Variants in DICER1 observed in about 807,000 individuals in gnomAD.
DICER1 encodes the protein dicer 1, ribonuclease III.
Under a neutral mutation model 194.1 loss-of-function variants are expected in DICER1, and 43 were observed. The observed-to-expected ratio is 0.22, with a 90% CI of 0.17 to 0.29. The LOEUF (loss-of-function observed/expected upper bound fraction) is 0.29, where lower values mean the gene tolerates loss of function less well. Ranked by LOEUF, DICER1 falls within the 10% of genes least tolerant of loss-of-function variation. The pLI, the probability that DICER1 is intolerant of heterozygous loss-of-function variation, is 1.00. For synonymous variants in DICER1, 832 were observed against 820.5 expected (o/e 1.01, Z -0.24); for missense variants, 1,608 against 2,317.0 (o/e 0.69, Z 6.28).
In DICER1 at chr14:95,090,363, T is replaced by G; in HGVS notation, c.*135A>C. 1 of 981,584 alleles carries G rather than the reference T, an allele frequency of 1.0e-6. No individual in the cohort carries two copies. Among genetic ancestry groups the G allele is most frequent in the South Asian group, 1.4e-5 (1 of 72,094 alleles). The allele number at this position is 981,584 out of a possible 1,614,324, so 60.8% of individuals were successfully genotyped here. A position where few individuals can be genotyped will look rare whatever the true frequency, so the allele number is the denominator to read the frequency against. On this transcript the variant is annotated 3_prime_UTR_variant, in exon 27 of 27. Transcript: ENST00000343455. ...ATGTTTTATTCTGTTATCTATCCTGTTATCAACCAAACTTTAAATTCTGCC... is the reference window on the plus strand; with the variant it reads ...ATGTTTTATTCTGTTATCTATCCTGGTATCAACCAAACTTTAAATTCTGCC...
rs761821180 is a variant in DICER1, at chr14:95,105,062, C to G, written c.3269+9G>C. On this transcript the variant is annotated intron_variant, in intron 20 of 26. Transcript: ENST00000343455. The surrounding 1 kb of genome is among the most constrained non-coding windows in gnomAD (Gnocchi z 4.9). Reference sequence around the variant, plus strand: ...TCTGTGTTCTTTCTGGCTGACTGCACAGGCATACCTAAAATCCGCAGGAAG... The same window carrying G: ...TCTGTGTTCTTTCTGGCTGACTGCAGAGGCATACCTAAAATCCGCAGGAAG... 2.5e-6 allele frequency: 4 copies of G among 1,613,436 alleles called. No individual in the cohort carries two copies. The highest frequency in any genetic ancestry group is 2.2e-5 in the East Asian group (1 of 44,900).
rs182895841 is a variant in DICER1 at position 95,124,921 on chromosome 14, T to C, written c.904-253A>G. Among the ~76,000 whole-genome samples the C allele has an allele frequency of 2.0e-5, 3 of 152,360 alleles. No individual in the cohort carries two copies. Among genetic ancestry groups the C allele is most frequent in the African/African-American group, 7.2e-5 (3 of 41,586 alleles). On this transcript the variant is annotated intron_variant, in intron 7 of 26. Coordinates refer to ENST00000343455, the MANE Select transcript of DICER1 (RefSeq NM_177438.3). The surrounding 1 kb of genome is among the most constrained non-coding windows in gnomAD (Gnocchi z 4.5). The stretch of plus-strand genomic sequence containing the variant: ...ATTAAAAGATGCAATTGTATGAGGT[T>C]AATGAAGCTTATTTTTAGATCTGTA...
rs573637713 is a variant in DICER1 at position 95,116,831 on chromosome 14, C to T, written c.1510-136G>A. ...GGCATTCTAAATCCTTAAGGCCAGGCTAAAGAAGATGACAGTATCACAGAA... is the reference window on the plus strand; with the variant it reads ...GGCATTCTAAATCCTTAAGGCCAGGTTAAAGAAGATGACAGTATCACAGAA... On this transcript the variant is annotated intron_variant, in intron 9 of 26. Transcript: ENST00000343455. The T allele has an allele frequency of 9.1e-6, 8 of 883,964 alleles. No homozygotes were observed. The African/African-American group carries it at 1.2e-4, about 13-fold the overall frequency. 54.8% of individuals were successfully genotyped at this position (883,964 alleles called of 1,614,324 possible).
intron 1 of DICER1, among the ~76,000 whole-genome samples, chr14:95,148,143 C>A (rs1313040029): frequency 6.6e-6 from 1 of 152,200 alleles, no homozygotes; most frequent in Middle Eastern, 3.2e-3. Flanking sequence ...CCTCCCAGAG[C>A]AAACTGCCCT....
rs875989784 is a variant in DICER1, at chr14:95,096,509, GAGAA to G, written c.4407_4410del (p.Ser1470LeufsTer19). The G allele has an allele frequency of 6.2e-7, 1 of 1,614,100 alleles. No individual in the cohort carries two copies. Among genetic ancestry groups the G allele is most frequent in the Non-Finnish European group, 8.5e-7 (1 of 1,179,978 alleles). ...TATGCAGAATCAGTGGTTGAAAAAG[GAGAA>G]AGAGAGATTTTCTTTACAAAAGCTC... On this transcript the variant is annotated frameshift_variant, in exon 23 of 27. Transcript: ENST00000343455. LOFTEE classifies it high-confidence loss of function.
intron 6 of DICER1, among the ~76,000 whole-genome samples, chr14:95,128,179 A>G (rs2140247815): frequency 6.6e-6 from 1 of 152,366 alleles, no homozygotes; most frequent in Non-Finnish European, 1.5e-5. Flanking sequence ...AATTTTAATA[A>G]AAGAAATCTA....
chr14:95,108,803 T>C (rs1443863131), intron 14 of DICER1, among the ~76,000 whole-genome samples: 4 of 152,228 alleles, frequency 2.6e-5, no homozygotes, highest in Non-Finnish European at 5.9e-5. Context: ...TTAAAAATAC[T>C]ATTCATTTGA....
chr14:95,136,501 C>T (rs924694633), intron 1 of DICER1: 1 of 152,126 alleles, frequency 6.6e-6, no homozygotes, highest in Non-Finnish European at 1.5e-5. Flanking sequence ...TGCATCACCA[C>T]GACTGGCTAA....
At position 95,126,801 on chromosome 14, in the gene DICER1, T is replaced by C. The variant is rs538495455; in HGVS notation, c.735-53A>G. 2.7e-5 allele frequency: 26 copies of C among 962,250 alleles called. No individual in the cohort carries two copies. The East Asian group carries it at 8.0e-4, about 30-fold the overall frequency. 59.6% of individuals were successfully genotyped at this position (962,250 alleles called of 1,614,324 possible). On this transcript the variant is annotated intron_variant, in intron 6 of 26. Coordinates refer to ENST00000343455, the MANE Select transcript of DICER1 (RefSeq NM_177438.3). ...ATACTGCAGTAGTGAGAATGCAATTTAAAAAAAGTTTTTCAAAAAGCAAAA... is the reference window on the plus strand; with the variant it reads ...ATACTGCAGTAGTGAGAATGCAATTCAAAAAAAGTTTTTCAAAAAGCAAAA...
intron 15 of DICER1, 89 bp from the exon 16 acceptor site, chr14:95,108,182 T>C: frequency 7.6e-7 from 1 of 1,317,280 alleles, no homozygotes; most frequent in Admixed American, 1.7e-5. Flanking sequence ...TGATGCTTTC[T>C]AGTGGAGAAA....
intron 14 of DICER1, among the ~76,000 whole-genome samples, chr14:95,109,203 T>C (rs1464468283): frequency 6.6e-6 from 1 of 152,220 alleles, no homozygotes; most frequent in African/African-American, 2.4e-5. Context: ...CATAATTAAA[T>C]GGACATTGCT....
At chr14:95,121,525 A>C (rs186731251) in intron 8 of DICER1, among the ~76,000 whole-genome samples, 158 of 152,308 alleles carry the variant, frequency 1.0e-3, no homozygotes, top group African/African-American at 3.7e-3. Context: ...ATCTCAAATT[A>C]TTCCAAAATA....
rs761966110 is a variant in DICER1 at position 95,132,579 on chromosome 14, C to G, written c.243G>C (p.Leu81=). 1.4e-5 allele frequency: 23 copies of G among 1,613,878 alleles called. No individual in the cohort carries two copies. Among genetic ancestry groups the G allele is most frequent in the Non-Finnish European group, 1.9e-5 (22 of 1,179,932 alleles). The change falls in exon 3 of 27, where the codon CTG becomes CTC. Residue 81 remains leucine (L), a synonymous_variant. Coordinates refer to ENST00000343455, the MANE Select transcript of DICER1 (RefSeq NM_177438.3). ...TGAAGTCTCCCCTGATCTGATAGGA[C>G]AGCTCTTTAGTGAGTAGTACTGCAA... ...TFIAVLLTKE[L]SYQIRGDFSR... is the part of the protein sequence containing the mutation.
At position 95,105,630 on chromosome 14, in the gene DICER1, T is replaced by C. The variant is rs1433777938; in HGVS notation, c.3093+48A>G. On this transcript the variant is annotated intron_variant, in intron 19 of 26. Coordinates refer to ENST00000343455, the MANE Select transcript of DICER1 (RefSeq NM_177438.3). The surrounding 1 kb of genome is among the most constrained non-coding windows in gnomAD (Gnocchi z 4.9). ...ATTCAAACTTATCTTTAATAATCTT[T>C]AATACTCAAACAAATACTAAGTTAT... 1 of 1,317,448 alleles carries C rather than the reference T, an allele frequency of 7.6e-7. No individual in the cohort carries two copies. The highest frequency in any genetic ancestry group is 2.3e-5 in the East Asian group (1 of 43,070). 81.6% of individuals were successfully genotyped at this position (1,317,448 alleles called of 1,614,324 possible).
intron 11 of DICER1, among the ~76,000 whole-genome samples, chr14:95,113,640 A>G (rs1246013114): frequency 6.6e-6 from 1 of 152,250 alleles, no homozygotes; most frequent in African/African-American, 2.4e-5. Flanking sequence ...TTTCCCACCA[A>G]CTACCAGCAC....
intron 1 of DICER1, among the ~76,000 whole-genome samples, chr14:95,145,092 C>T (rs1343505904): frequency 6.6e-6 from 1 of 152,150 alleles, no homozygotes; most frequent in African/African-American, 2.4e-5. Flanking sequence ...GTATATGAGC[C>T]TCTAAATCTA....
At position 95,103,719 on chromosome 14, in the gene DICER1, T is replaced by G. The variant is rs779062746; in HGVS notation, c.3677A>C (p.Glu1226Ala). Residue 1226 changes from glutamate (E) to alanine (A), a missense_variant, in exon 21 of 27, where the codon GAG (glutamate) becomes GCG (alanine). Physicochemically the swap from Glu to Ala is moderately radical, Grantham distance 107. Transcript: ENST00000343455. ...TTCATCGCTGGGCTGGGGCTGGTTC[T>G]CGTAACTGTATAAATTCTGAATGGA... is the stretch of plus-strand genomic sequence containing the variant. ...SYSIQNLYSY[E>A]NQPQPSDECT... 2.5e-5 allele frequency: 40 copies of G among 1,614,090 alleles called. No homozygotes were observed. Among genetic ancestry groups the G allele is most frequent in the Non-Finnish European group, 3.2e-5 (38 of 1,180,044 alleles).
At chr14:95,132,958 T>C (rs1295803995) in intron 2 of DICER1, among the ~76,000 whole-genome samples, 1 of 152,198 alleles carries the variant, frequency 6.6e-6, no homozygotes, top group African/African-American at 2.4e-5. Context: ...TAGAATAACA[T>C]GAATGACTAA....
At chr14:95,108,290 T>C in intron 15 of DICER1, 34 bp downstream of exon 15, 13 of 1,600,550 alleles carry the variant, frequency 8.1e-6, no homozygotes, top group Non-Finnish European at 1.1e-5. Context: ...AAGCAAGACG[T>C]TTTTGACATA....
Sources: allele counts gnomAD v4.1 joint callset (sites outside exome capture counted in the v4.1 genomes callset), GRCh38; gene constraint gnomAD v4.1.1; non-coding constraint Gnocchi (gnomAD v3.1); transcripts MANE v1.5; gene names NCBI Gene and HGNC (gene_info 2026-07-23, HGNC 2026-07-21).